Variants in VWA3A observed in about 807,000 individuals in gnomAD.
VWA3A encodes the protein von Willebrand factor A domain-containing protein 3A.
Under a neutral mutation model 160.4 loss-of-function variants are expected in VWA3A, and 134 were observed. The ratio of observed to expected loss-of-function variants is 0.84; its 90% CI spans 0.73 to 0.96. The LOEUF (loss-of-function observed/expected upper bound fraction) is 0.96, where lower values mean the gene tolerates loss of function less well. VWA3A is among the 40% of genes least tolerant of loss of function. The pLI, the probability that VWA3A is intolerant of heterozygous loss-of-function variation, is 0.00. For synonymous variants in VWA3A, 476 were observed against 543.4 expected (o/e 0.88, Z 1.72); for missense variants, 1,310 against 1,447.9 (o/e 0.90, Z 1.55).
intron 15 of VWA3A, chr16:22,123,380 T>TG: frequency 1.4e-6 from 2 of 1,431,624 alleles, no homozygotes; most frequent in Non-Finnish European, 1.9e-6. Context: ...TCTAATCCTC[T>TG]GGGGAAAGAT....
chr16:22,114,027 G>GAA (rs961930919), intron 8 of VWA3A, among the ~76,000 whole-genome samples: 4 of 137,268 alleles, frequency 2.9e-5, no homozygotes, highest in African/African-American at 8.0e-5. Flanking sequence ...ATGGCTTTGA[G>GAA]AAAAAAAAAA....
chr16:22,154,530 T>TGTTG (rs1195174151), intron 31 of VWA3A, among the ~76,000 whole-genome samples: 1 of 151,788 alleles, frequency 6.6e-6, no homozygotes, highest in Non-Finnish European at 1.5e-5. Context: ...GGTTTCATCA[T>TGTTG]GTTGGCCAGG....
At chr16:22,109,072 C>T (rs1243062320) in intron 6 of VWA3A, among the ~76,000 whole-genome samples, 3 of 152,162 alleles carry the variant, frequency 2.0e-5, no homozygotes, top group Admixed American at 6.5e-5. Context: ...GAACCTAACA[C>T]ATCTGTCTTT....
chr16:22,138,669 A>C (rs896355322), intron 22 of VWA3A, 157 bp downstream of exon 22: 5 of 981,798 alleles, frequency 5.1e-6, no homozygotes, highest in African/African-American at 1.7e-5. Flanking sequence ...CTCCAGGGGG[A>C]AAATCTCCCG....
intron 29 of VWA3A, among the ~76,000 whole-genome samples, chr16:22,150,470 G>T (rs1042805404): frequency 6.6e-6 from 1 of 152,186 alleles, no homozygotes. Context: ...ACTTGCTTGG[G>T]ATTAACCAGC....
At chr16:22,111,906 T>G (rs114469121) in intron 8 of VWA3A, among the ~76,000 whole-genome samples, 1 of 152,208 alleles carries the variant, frequency 6.6e-6, no homozygotes, top group Non-Finnish European at 1.5e-5. Flanking sequence ...TATGAGACAC[T>G]GTGCCTGGCC....
At chr16:22,103,418 C>T in intron 5 of VWA3A, 57 bp from the exon 6 acceptor site, 1 of 1,468,720 alleles carries the variant, frequency 6.8e-7, no homozygotes, top group Non-Finnish European at 9.3e-7. Context: ...ATGTAAGTGG[C>T]TGTTGCTCAG....
At chr16:22,116,020 A>G (rs1341239332) in intron 9 of VWA3A, among the ~76,000 whole-genome samples, 1 of 150,864 alleles carries the variant, frequency 6.6e-6, no homozygotes, top group Non-Finnish European at 1.5e-5. Context: ...GAAAGAAGAA[A>G]GAGAAAAGAT....
chr16:22,126,088 CT>C (rs1487373002), intron 16 of VWA3A, 89 bp from the exon 17 acceptor site: 74 of 1,560,202 alleles, frequency 4.7e-5, no homozygotes, highest in Non-Finnish European at 6.2e-5. Context: ...CAAAATTCCC[CT>C]GGAAAAAAAC....
chr16:22,145,623 C>A (rs1477863769), intron 26 of VWA3A, among the ~76,000 whole-genome samples: 2 of 148,440 alleles, frequency 1.3e-5, no homozygotes, highest in African/African-American at 5.0e-5. Flanking sequence ...CCTGGGCAAC[C>A]GACTGAGACT....
intron 31 of VWA3A, 108 bp from the exon 32 acceptor site, chr16:22,155,459 C>T: frequency 1.1e-6 from 1 of 938,546 alleles, no homozygotes; most frequent in Admixed American, 1.9e-5. Flanking sequence ...AGATTTCCTG[C>T]ACTGGATGGA....
chr16:22,097,245 G>A (rs1271043680), intron 2 of VWA3A, among the ~76,000 whole-genome samples: 2 of 152,210 alleles, frequency 1.3e-5, no homozygotes, highest in South Asian at 2.1e-4. Context: ...GATTACAAGC[G>A]TGAGCCACCG....
At chr16:22,142,633 A>C in intron 24 of VWA3A, 35 bp from the exon 25 acceptor site, 1 of 1,517,270 alleles carries the variant, frequency 6.6e-7, no homozygotes, top group Non-Finnish European at 9.0e-7. Context: ...TCAACCATCC[A>C]AACTATAGCA....
intron 1 of VWA3A, among the ~76,000 whole-genome samples, chr16:22,094,813 A>G (rs1177440602): frequency 6.6e-6 from 1 of 152,082 alleles, no homozygotes; most frequent in Non-Finnish European, 1.5e-5. Context: ...AAAAAATACA[A>G]AAATTAGCTG....
At chr16:22,138,576 TG>T (rs1476251009) in intron 22 of VWA3A, 64 bp downstream of exon 22, 9 of 1,598,412 alleles carry the variant, frequency 5.6e-6, no homozygotes, top group Non-Finnish European at 6.0e-6. Flanking sequence ...TGGTCTTTCC[TG>T]GGTCTTAAAA....
intron 10 of VWA3A, 87 bp from the exon 11 acceptor site, chr16:22,117,024 G>A (rs1045225251): frequency 4.0e-6 from 6 of 1,485,974 alleles, no homozygotes; most frequent in Non-Finnish European, 4.6e-6. Context: ...GGAAGCTTTG[G>A]ATAATTGGGA....
At position 22,109,594 on chromosome 16, in the gene VWA3A, G is replaced by A; in HGVS notation, c.582+14G>A. On this transcript the variant is annotated intron_variant, in intron 7 of 33. Transcript: ENST00000389398. ...AAGGACCTCATGGTAAGTCTGTCTGGCACAGAGAAACACCTGGAACCACCC... is the reference window on the plus strand; with the variant it reads ...AAGGACCTCATGGTAAGTCTGTCTGACACAGAGAAACACCTGGAACCACCC... The A allele has an allele frequency of 6.2e-7, 1 of 1,610,758 alleles. No individual in the cohort carries two copies. Among genetic ancestry groups the A allele is most frequent in the Non-Finnish European group, 8.5e-7 (1 of 1,178,250 alleles).
chr16:22,094,158 G>A (rs1238404813), intron 1 of VWA3A, among the ~76,000 whole-genome samples: 2 of 152,154 alleles, frequency 1.3e-5, no homozygotes, highest in East Asian at 3.9e-4. Context: ...AGTCACCCCA[G>A]AATCTAGCCA....
chr16:22,116,387 G>A (rs541418653), intron 9 of VWA3A: 29 of 431,744 alleles, frequency 6.7e-5, no homozygotes, highest in South Asian at 1.9e-4. Context: ...AAAAGAGGAA[G>A]GAAAGAAGGA....
Sources: allele counts gnomAD v4.1 joint callset (sites outside exome capture counted in the v4.1 genomes callset), GRCh38; gene constraint gnomAD v4.1.1; transcripts MANE v1.5; gene names NCBI Gene and HGNC (gene_info 2026-07-23, HGNC 2026-07-21).